DST: variants seen among roughly 807,000 people sequenced by gnomAD.
DST encodes dystonin, also known as bullous pemphigoid antigen.
Under a neutral mutation model 875.2 loss-of-function variants are expected in DST, and 253 were observed. The ratio of observed to expected loss-of-function variants is 0.29; its 90% CI spans 0.26 to 0.32. The LOEUF is 0.32. Among genes scored for constraint, DST ranks in the 10% least tolerant of loss-of-function variants. DST has a pLI of 1.00. For missense variants in DST, 8,287 were observed against 9,111.6 expected (o/e 0.91, Z 3.68); for synonymous variants, 3,124 against 3,197.1 (o/e 0.98, Z 0.77).
chr6:56,813,676 G>A (rs906267406), intron 4 of DST, among the ~76,000 whole-genome samples: 8 of 152,102 alleles, frequency 5.3e-5, no homozygotes, highest in Middle Eastern at 3.2e-3. Flanking sequence ...TAAGCCAGCC[G>A]AATTTCAGAA....
intron 4 of DST, among the ~76,000 whole-genome samples, chr6:56,794,012 G>C (rs2099735578): frequency 6.6e-6 from 1 of 152,052 alleles, no homozygotes; most frequent in African/African-American, 2.4e-5. Context: ...GTGTTTATAG[G>C]GTTTCTAAAC....
chr6:56,841,636 T>TC (rs1267656155), intron 4 of DST, among the ~76,000 whole-genome samples: 14 of 152,260 alleles, frequency 9.2e-5, no homozygotes, highest in African/African-American at 3.1e-4. Context: ...ATAATTTTTT[T>TC]CAAAAGTATA....
At position 56,886,458 on chromosome 6, in the gene DST, C is replaced by G. The variant is rs141333752; in HGVS notation, c.417+13963G>C. ...GAAAGTATGAAGTGCTACTTAACTA[C>G]GAAGTACTACTCCAAAGCTATAATT... On this transcript the variant is annotated intron_variant, in intron 3 of 103. Coordinates refer to ENST00000680361, the MANE Select transcript of DST (RefSeq NM_001374736.1). 2.7e-3 allele frequency among the ~76,000 whole-genome samples: 411 copies of G among 152,240 alleles called. 4 individuals carry two copies. Among genetic ancestry groups the G allele is most frequent in the South Asian group, 0.014 (67 of 4,816 alleles).
chr6:56,766,637 T>A (rs746146554), intron 4 of DST, among the ~76,000 whole-genome samples: 1 of 151,998 alleles, frequency 6.6e-6, no homozygotes, highest in Non-Finnish European at 1.5e-5. Flanking sequence ...TTCAAGCAAT[T>A]CTCCCGCTTC....
intron 68 of DST, 28 bp from the exon 69 acceptor site, chr6:56,526,595 A>T: frequency 3.1e-6 from 5 of 1,598,548 alleles, no homozygotes; most frequent in Non-Finnish European, 4.3e-6. Flanking sequence ...AGTTAGTAAC[A>T]CTTAAGAGCT....
At chr6:56,768,797 A>G (rs1190158133) in intron 4 of DST, among the ~76,000 whole-genome samples, 1 of 152,178 alleles carries the variant, frequency 6.6e-6, no homozygotes, top group African/African-American at 2.4e-5. Context: ...ATGGCTGGGC[A>G]CGGTGGCTCA....
At position 56,735,040 on chromosome 6, in the gene DST, C is replaced by T. The variant is rs1387951461; in HGVS notation, c.687+188G>A. 5 of 561,222 alleles carry T rather than the reference C, an allele frequency of 8.9e-6. No homozygotes were observed. The East Asian group carries it at 1.6e-4, about 18-fold the overall frequency. 34.8% of individuals were successfully genotyped at this position (561,222 alleles called of 1,614,324 possible). A position where few individuals can be genotyped will look rare whatever the true frequency, so the allele number is the denominator to read the frequency against. ...AAATCACTGGGTACTTACCTATCCA[C>T]CTCCATCATTACCCACCGTCCACAC... On this transcript the variant is annotated intron_variant, in intron 5 of 103. Coordinates refer to ENST00000680361, the MANE Select transcript of DST (RefSeq NM_001374736.1).
At chr6:56,642,347 A>G in intron 16 of DST, 63 bp downstream of exon 16, 1 of 1,174,648 alleles carries the variant, frequency 8.5e-7, no homozygotes. Context: ...TAAAAGTTTT[A>G]GTTCATCCAA....
intron 61 of DST, among the ~76,000 whole-genome samples, chr6:56,548,501 A>G (rs576744322): frequency 3.9e-5 from 6 of 152,366 alleles, no homozygotes; most frequent in African/African-American, 1.4e-4. Flanking sequence ...AGTCAGTTAC[A>G]TATGTCTTTG....
chr6:56,895,239 C>T (rs1261815525), intron 3 of DST, among the ~76,000 whole-genome samples: 1 of 53,968 alleles, frequency 1.9e-5, no homozygotes, highest in East Asian at 5.7e-4. Context: ...GGTTGCCAGA[C>T]GGAGGGGCTC....
chr6:56,915,645 CCTAA>C, intron 2 of DST, among the ~76,000 whole-genome samples: 1 of 152,224 alleles, frequency 6.6e-6, no homozygotes, highest in Admixed American at 6.5e-5. Context: ...ACAGCAAAGT[CCTAA>C]CTGAGTCTAT....
chr6:56,470,781 AACACAC>A (rs67009040), intron 95 of DST, among the ~76,000 whole-genome samples: 29,401 of 140,994 alleles, frequency 0.21, 3,285 homozygotes, highest in Middle Eastern at 0.39. Flanking sequence ...TATGCCAGGC[AACACAC>A]ACACACACAC....
rs371243432 is a variant in DST at position 56,526,567 on chromosome 6, C to T, written c.17923G>A (p.Glu5975Lys). The T allele has an allele frequency of 6.6e-5, 107 of 1,612,370 alleles. No homozygotes were observed. The highest frequency in any genetic ancestry group is 8.6e-5 in the Non-Finnish European group (101 of 1,179,094). ...EASQAQMRPK[E>K]LKKEAKNNKA... is the part of the protein sequence containing the mutation. ...TTGTTCTTAGCTTCCTTTTTCAGTT[C>T]CTGAAAACATACAAATAAGTTAGTA... Residue 5975 changes from glutamate to lysine, a missense_variant and splice_region_variant, in exon 69 of 104, where the codon GAA becomes AAA. Physicochemically the swap from Glu to Lys is moderately conservative, Grantham distance 56. Coordinates refer to ENST00000680361, the MANE Select transcript of DST (RefSeq NM_001374736.1).
At chr6:56,797,633 A>C (rs1303933973) in intron 4 of DST, among the ~76,000 whole-genome samples, 3 of 152,174 alleles carry the variant, frequency 2.0e-5, no homozygotes, top group Non-Finnish European at 2.9e-5. Flanking sequence ...CAGGAGGCCA[A>C]CATGGCAAAA....
intron 3 of DST, 138 bp downstream of exon 3, chr6:56,900,279 CATAT>C: frequency 1.6e-6 from 1 of 625,246 alleles, no homozygotes; most frequent in South Asian, 1.8e-5. Flanking sequence ...TGCTGAAACT[CATAT>C]GAGTACGCTG....
intron 4 of DST, among the ~76,000 whole-genome samples, chr6:56,839,406 T>G (rs1325442941): frequency 6.6e-6 from 1 of 152,190 alleles, no homozygotes. Flanking sequence ...TGTTTCACTT[T>G]TAAAAGAAAA....
At chr6:56,813,854 C>T (rs17684802) in intron 4 of DST, among the ~76,000 whole-genome samples, 24,791 of 152,040 alleles carry the variant, frequency 0.16, 2,239 homozygotes, top group Non-Finnish European at 0.19. Context: ...CATTATGATG[C>T]TGTTCTTTGG....
At chr6:56,681,581 G>A (rs2099157593) in intron 9 of DST, among the ~76,000 whole-genome samples, 1 of 152,056 alleles carries the variant, frequency 6.6e-6, no homozygotes, top group Non-Finnish European at 1.5e-5. Flanking sequence ...ACTCATACTG[G>A]TATAATAGCA....
chr6:56,592,087 T>G, intron 49 of DST, 95 bp downstream of exon 49: 1 of 1,110,450 alleles, frequency 9.0e-7, no homozygotes, highest in East Asian at 2.5e-5. Flanking sequence ...CATCATTTGT[T>G]CCCCTCTCTT....
Sources: allele counts gnomAD v4.1 joint callset (sites outside exome capture counted in the v4.1 genomes callset), GRCh38; gene constraint gnomAD v4.1.1; transcripts MANE v1.5; gene names NCBI Gene and HGNC (gene_info 2026-07-23, HGNC 2026-07-21).